HSD17B12: variants seen among roughly 807,000 people sequenced by gnomAD.
HSD17B12 encodes very-long-chain 3-oxoacyl-CoA reductase.
HSD17B12 carries 32 observed loss-of-function variants against 39.3 expected under a neutral mutation model. The ratio of observed to expected loss-of-function variants is 0.81; its 90% confidence interval spans 0.61 to 1.09. HSD17B12 has a LOEUF of 1.09. HSD17B12 is among the 50% of genes least tolerant of loss of function. HSD17B12 has a pLI of 0.00. For missense variants in HSD17B12, 342 were observed against 382.9 expected (o/e 0.89, Z 0.89); for synonymous variants, 150 against 146.7 (o/e 1.02, Z -0.16).
At chr11:43,660,952 C>T in the HSD17B12 span, among the ~76,000 whole-genome samples, 2 of 152,110 alleles carry the variant, frequency 1.3e-5, no homozygotes, top group African/African-American at 4.8e-5. Flanking sequence ...TGGCGAAACC[C>T]CGTCTCTACT....
At chr11:43,750,490 G>A (rs545066301) in intron 1 of HSD17B12, among the ~76,000 whole-genome samples, 4 of 151,654 alleles carry the variant, frequency 2.6e-5, no homozygotes, top group South Asian at 4.2e-4. Context: ...TTCTTCTGTC[G>A]ATTAATATTT....
intron 3 of HSD17B12, among the ~76,000 whole-genome samples, chr11:43,773,470 C>A (rs916469024): frequency 3.9e-5 from 6 of 152,222 alleles, no homozygotes; most frequent in Admixed American, 2.0e-4. Flanking sequence ...AAACTCCTGA[C>A]CTCAGTGATC....
chr11:43,764,266 G>C (rs1315632969), intron 3 of HSD17B12, among the ~76,000 whole-genome samples: 1 of 152,082 alleles, frequency 6.6e-6, no homozygotes, highest in Non-Finnish European at 1.5e-5. Flanking sequence ...CCAAATATCT[G>C]AATTTTAAAA....
intron 4 of HSD17B12, among the ~76,000 whole-genome samples, chr11:43,810,891 A>C (rs1474796481): frequency 6.6e-6 from 1 of 152,214 alleles, no homozygotes; most frequent in Non-Finnish European, 1.5e-5. Flanking sequence ...ACTAATAAAC[A>C]TGTTTAATGC....
At chr11:43,841,160 G>T (rs1951422240) in intron 9 of HSD17B12, among the ~76,000 whole-genome samples, 2 of 152,034 alleles carry the variant, frequency 1.3e-5, no homozygotes, top group Non-Finnish European at 1.5e-5. Context: ...GAGTTTATTT[G>T]GTCATTTGCC....
intron 3 of HSD17B12, among the ~76,000 whole-genome samples, chr11:43,778,683 A>G (rs1025547893): frequency 4.6e-5 from 7 of 151,472 alleles, no homozygotes; most frequent in Non-Finnish European, 8.8e-5. Context: ...GGTTCAATAT[A>G]TGCAAATCAA....
chr11:43,675,417 A>C, the HSD17B12 span, among the ~76,000 whole-genome samples: 4 of 152,172 alleles, frequency 2.6e-5, no homozygotes, highest in Non-Finnish European at 5.9e-5. Flanking sequence ...CGACTCTGAG[A>C]CCAGAATGAA....
intron 3 of HSD17B12, among the ~76,000 whole-genome samples, chr11:43,777,657 G>A (rs527708024): frequency 2.6e-5 from 4 of 152,294 alleles, no homozygotes; most frequent in Admixed American, 6.5e-5. Context: ...AATAGGAGTG[G>A]TAAGAGAGGG....
intron 1 of HSD17B12, among the ~76,000 whole-genome samples, chr11:43,720,106 A>AT (rs1005696308): frequency 5.3e-5 from 8 of 152,210 alleles, no homozygotes; most frequent in Admixed American, 5.2e-4. Context: ...TCAACAAAAG[A>AT]TCTTATGGAC....
chr11:43,566,869 G>A, the HSD17B12 span, among the ~76,000 whole-genome samples: 38 of 152,202 alleles, frequency 2.5e-4, no homozygotes, highest in Admixed American at 2.0e-4. Flanking sequence ...TCTGTGCCCC[G>A]ATAGGTTAGC....
intron 7 of HSD17B12, among the ~76,000 whole-genome samples, chr11:43,835,973 A>G (rs988338580): frequency 3.3e-5 from 5 of 152,182 alleles, no homozygotes; most frequent in African/African-American, 1.2e-4. Flanking sequence ...TGCTTTGGTG[A>G]GTGAAGTTTT....
chr11:43,712,339 A>G (rs1222218307), intron 1 of HSD17B12, among the ~76,000 whole-genome samples: 1 of 152,080 alleles, frequency 6.6e-6, no homozygotes, highest in Non-Finnish European at 1.5e-5. Flanking sequence ...AGGCAGGAGA[A>G]TTGCTTGAAC....
chr11:43,611,111 G>A, the HSD17B12 span, among the ~76,000 whole-genome samples: 3 of 152,258 alleles, frequency 2.0e-5, no homozygotes, highest in Admixed American at 2.0e-4. Flanking sequence ...CGTGAATCCA[G>A]CCTGTTTTCT....
At chr11:43,706,372 C>T (rs763130242) in intron 1 of HSD17B12, among the ~76,000 whole-genome samples, 14 of 151,994 alleles carry the variant, frequency 9.2e-5, no homozygotes, top group Non-Finnish European at 1.6e-4. Flanking sequence ...AGTGAAACCC[C>T]GTCTCTATTA....
the HSD17B12 span, among the ~76,000 whole-genome samples, chr11:43,637,217 C>CTTTTT: frequency 5.5e-5 from 6 of 109,462 alleles, no homozygotes; most frequent in Non-Finnish European, 9.0e-5. Flanking sequence ...GGTGTTTTTC[C>CTTTTT]TTTTTTTTTT....
At chr11:43,614,215 C>T in the HSD17B12 span, among the ~76,000 whole-genome samples, 1 of 152,214 alleles carries the variant, frequency 6.6e-6, no homozygotes, top group East Asian at 1.9e-4. Context: ...CATCTTGTGG[C>T]TATCTTTAAA....
intron 6 of HSD17B12, among the ~76,000 whole-genome samples, chr11:43,824,624 T>C (rs1332557645): frequency 6.6e-6 from 1 of 152,200 alleles, no homozygotes; most frequent in Non-Finnish European, 1.5e-5. Flanking sequence ...GGAACCCTCA[T>C]GATGTAATCA....
the HSD17B12 span, among the ~76,000 whole-genome samples, chr11:43,639,533 G>A: frequency 6.6e-6 from 1 of 152,054 alleles, no homozygotes; most frequent in African/African-American, 2.4e-5. Flanking sequence ...CTTTAGTCTG[G>A]GTGGAGACAG....
intron 1 of HSD17B12, among the ~76,000 whole-genome samples, chr11:43,717,659 T>C (rs1157912664): frequency 2.6e-5 from 4 of 152,178 alleles, no homozygotes; most frequent in Admixed American, 2.6e-4. Context: ...TTTTCTTCCA[T>C]GTGGTCTCTC....
Sources: allele counts gnomAD v4.1 joint callset (sites outside exome capture counted in the v4.1 genomes callset), GRCh38; gene constraint gnomAD v4.1.1; transcripts MANE v1.5; gene names NCBI Gene and HGNC (gene_info 2026-07-23, HGNC 2026-07-21).